The following VIT variants were observed in gnomAD, a reference collection of about 807,000 sequenced individuals.
VIT encodes vitrin.
A neutral mutation model predicts 78.0 loss-of-function variants in VIT; 99 were observed. That is an observed-to-expected ratio of 1.27 (90% CI 1.08 to 1.50). The LOEUF (loss-of-function observed/expected upper bound fraction) is 1.50, where lower values mean the gene tolerates loss of function less well. Ranked by LOEUF, VIT falls within the 40% of genes most tolerant of loss-of-function variation. The pLI is 0.00. For synonymous variants in VIT, 374 were observed against 334.3 expected (o/e 1.12, Z -1.29); for missense variants, 1,126 against 875.3 (o/e 1.29, Z -3.61).
intron 7 of VIT, among the ~76,000 whole-genome samples, chr2:36,770,229 T>C (rs1454341235): frequency 6.6e-6 from 1 of 152,176 alleles, no homozygotes; most frequent in African/African-American, 2.4e-5. Flanking sequence ...CCCATCAAGA[T>C]CCCTGCAGCA....
intron 8 of VIT, 40 bp from the exon 9 acceptor site, chr2:36,774,962 G>GGTTGT (rs1669962761): frequency 1.9e-6 from 3 of 1,607,856 alleles, no homozygotes. Flanking sequence ...GCAGCCTGCT[G>GGTTGT]GTTGTGTGTA....
intron 7 of VIT, among the ~76,000 whole-genome samples, chr2:36,769,928 C>T (rs1669647551): frequency 6.6e-6 from 1 of 152,176 alleles, no homozygotes; most frequent in Non-Finnish European, 1.5e-5. Flanking sequence ...TGTGATATTT[C>T]AGTCCAACTA....
chr2:36,761,382 T>G (rs2148568536), intron 6 of VIT, among the ~76,000 whole-genome samples: 1 of 152,232 alleles, frequency 6.6e-6, no homozygotes, highest in Admixed American at 6.5e-5. Flanking sequence ...TCGGGGGTGT[T>G]GTGCAGGTTC....
chr2:36,752,956 C>A (rs1165469796), intron 4 of VIT, among the ~76,000 whole-genome samples: 4 of 152,150 alleles, frequency 2.6e-5, no homozygotes, highest in Non-Finnish European at 4.4e-5. Context: ...TGGAATCAAC[C>A]TAAATGCCCA....
At chr2:36,750,377 T>C (rs571935145) in intron 4 of VIT, among the ~76,000 whole-genome samples, 1 of 152,328 alleles carries the variant, frequency 6.6e-6, no homozygotes, top group South Asian at 2.1e-4. Flanking sequence ...GGTGAGCCTG[T>C]CTTAAGGTTG....
intron 6 of VIT, among the ~76,000 whole-genome samples, chr2:36,759,924 G>A (rs976869680): frequency 3.9e-5 from 6 of 152,040 alleles, no homozygotes; most frequent in African/African-American, 1.4e-4. Context: ...GAAGCACAGA[G>A]AAGTTAAGTA....
chr2:36,733,470 G>A lies in VIT; in HGVS notation c.118+3979G>A, dbSNP rs569301395. On this transcript the variant is annotated intron_variant, in intron 3 of 15. Transcript: ENST00000379242. ...CTATAAAAGGAGCATGGTCCTCAGA[G>A]AATAGTAAAGTGTTAAGGAAGGTTG... Among the ~76,000 whole-genome samples, 6 of 152,286 alleles carry A rather than the reference G, an allele frequency of 3.9e-5. No homozygotes were observed. The Middle Eastern group carries it at 0.017, about 432-fold the overall frequency.
chr2:36,718,541 C>T (rs1666304030), intron 2 of VIT, among the ~76,000 whole-genome samples: 1 of 152,198 alleles, frequency 6.6e-6, no homozygotes, highest in Non-Finnish European at 1.5e-5. Flanking sequence ...AGCTACTTGT[C>T]TCTCAGGTAA....
chr2:36,698,262 A>G (rs1040735075), intron 1 of VIT, among the ~76,000 whole-genome samples: 2 of 152,252 alleles, frequency 1.3e-5, no homozygotes, highest in African/African-American at 4.8e-5. Context: ...GAAATGCTTA[A>G]TATCTATCCT....
At chr2:36,713,699 G>GA (rs1305368628) in intron 1 of VIT, among the ~76,000 whole-genome samples, 1 of 152,192 alleles carries the variant, frequency 6.6e-6, no homozygotes, top group Non-Finnish European at 1.5e-5. Flanking sequence ...GATAGACTTT[G>GA]AATATAGCGC....
chr2:36,777,331 G>A (rs958606494), intron 9 of VIT, among the ~76,000 whole-genome samples: 2 of 151,882 alleles, frequency 1.3e-5, no homozygotes, highest in African/African-American at 4.8e-5. Flanking sequence ...TCAAATACAT[G>A]AAGCTAGACT....
intron 1 of VIT, among the ~76,000 whole-genome samples, chr2:36,707,748 T>C (rs1314061579): frequency 6.6e-6 from 1 of 151,490 alleles, no homozygotes; most frequent in African/African-American, 2.4e-5. Flanking sequence ...TGACTCGGAG[T>C]ACATCTTCAA....
intron 12 of VIT, among the ~76,000 whole-genome samples, chr2:36,792,530 T>G (rs1659840195): frequency 6.6e-6 from 1 of 151,938 alleles, no homozygotes; most frequent in Non-Finnish European, 1.5e-5. Flanking sequence ...CTGAGATCAG[T>G]CTCCCCGCAG....
intron 4 of VIT, among the ~76,000 whole-genome samples, chr2:36,745,967 G>C (rs535174790): frequency 6.6e-6 from 1 of 152,170 alleles, no homozygotes; most frequent in African/African-American, 2.4e-5. Flanking sequence ...TTATTATTTT[G>C]AGGTTATGTT....
chr2:36,716,835 A>G lies in VIT; in HGVS notation c.52+413A>G, dbSNP rs549832661. On this transcript the variant is annotated intron_variant, in intron 2 of 15. Transcript: ENST00000379242. ...TCTTACCGCTGACATGGCTCTACCT[A>G]TAGCATTAGCAACTCACGCTTTTAG... Among the ~76,000 whole-genome samples the G allele has an allele frequency of 4.7e-5, 7 of 148,318 alleles. No homozygotes were observed. In the South Asian group the frequency reaches 1.1e-3, roughly 23 times the overall value.
chr2:36,706,024 G>A (rs1314004853), intron 1 of VIT, among the ~76,000 whole-genome samples: 1 of 152,140 alleles, frequency 6.6e-6, no homozygotes, highest in Non-Finnish European at 1.5e-5. Context: ...ATCACCTCTG[G>A]TTGTGAACTA....
intron 1 of VIT, among the ~76,000 whole-genome samples, chr2:36,704,423 A>G (rs1020309258): frequency 2.0e-5 from 3 of 152,208 alleles, no homozygotes; most frequent in Non-Finnish European, 2.9e-5. Flanking sequence ...CTTCCCAGGA[A>G]GAAGAGCAAA....
At chr2:36,724,395 G>A (rs941689196) in intron 2 of VIT, among the ~76,000 whole-genome samples, 5 of 152,160 alleles carry the variant, frequency 3.3e-5, no homozygotes, top group Non-Finnish European at 5.9e-5. Context: ...ACCTGTCTGC[G>A]GCTTTGCACT....
chr2:36,756,309 C>G (rs938093717), intron 5 of VIT, among the ~76,000 whole-genome samples: 3 of 152,174 alleles, frequency 2.0e-5, no homozygotes, highest in Non-Finnish European at 4.4e-5. Context: ...ACCTGAATCT[C>G]CCATTTTCTC....
Sources: gnomAD v4.1 joint callset for allele counts (sites outside exome capture counted in the v4.1 genomes callset) on GRCh38, gnomAD v4.1.1 for gene constraint, MANE v1.5 for transcripts, NCBI Gene and HGNC (gene_info 2026-07-23, HGNC 2026-07-21) for gene names.